The following WDR64 variants were observed in gnomAD, a reference collection of about 807,000 sequenced individuals.
The protein encoded by WDR64 is WD repeat domain 64.
In WDR64, 112 loss-of-function variants were observed where a neutral mutation model predicts 139.3. The ratio of observed to expected loss-of-function variants is 0.80; its 90% CI spans 0.69 to 0.94. The LOEUF (loss-of-function observed/expected upper bound fraction) is 0.94. Ranked by LOEUF, WDR64 falls within the 40% of genes least tolerant of loss-of-function variation. The probability of loss-of-function intolerance (pLI) is 0.00; values close to 1 mark genes in which losing one functional copy is unlikely to be tolerated. For synonymous variants in WDR64, 444 were observed against 437.7 expected (o/e 1.01, Z -0.18); for missense variants, 1,206 against 1,293.1 (o/e 0.93, Z 1.03).
intron 6 of WDR64, among the ~76,000 whole-genome samples, chr1:241,680,785 G>GCAGACTCAGCTGGGCTCT (rs71174830): frequency 0.73 from 109,972 of 151,602 alleles, 40,534 homozygotes; most frequent in Middle Eastern, 0.8. Flanking sequence ...CTTCGGGTCT[G>GCAGACTCAGCTGGGCTCT]CAGTAGCTTC....
At chr1:241,764,995 G>C (rs556779696) in intron 15 of WDR64, among the ~76,000 whole-genome samples, 1 of 152,196 alleles carries the variant, frequency 6.6e-6, no homozygotes, top group Non-Finnish European at 1.5e-5. Context: ...AGACCAGCCT[G>C]GCAACATAGT....
chr1:241,726,295 T>C (rs1668837606), intron 10 of WDR64, among the ~76,000 whole-genome samples: 1 of 152,046 alleles, frequency 6.6e-6, no homozygotes, highest in South Asian at 2.1e-4. Context: ...AGGGACTGCA[T>C]GTAGTGGCTC....
intron 1 of WDR64, among the ~76,000 whole-genome samples, chr1:241,655,287 C>G (rs941595494): frequency 3.3e-5 from 5 of 152,094 alleles, no homozygotes; most frequent in Non-Finnish European, 5.9e-5. Flanking sequence ...GGAGGCTAAG[C>G]CAGGAGAATT....
intron 15 of WDR64, among the ~76,000 whole-genome samples, chr1:241,765,656 T>C (rs1658126581): frequency 1.3e-5 from 2 of 152,238 alleles, no homozygotes; most frequent in East Asian, 1.9e-4. Flanking sequence ...CTCCCTCCGA[T>C]ACAGCACTTT....
At chr1:241,675,918 T>C (rs1249614062) in intron 4 of WDR64, among the ~76,000 whole-genome samples, 2 of 152,228 alleles carry the variant, frequency 1.3e-5, no homozygotes, top group East Asian at 1.9e-4. Context: ...TGTTACAATA[T>C]ACCCTACATA....
chr1:241,705,869 G>A (rs956142802), intron 8 of WDR64, among the ~76,000 whole-genome samples: 9 of 152,068 alleles, frequency 5.9e-5, no homozygotes, highest in Non-Finnish European at 1.0e-4. Context: ...GATTACAGGT[G>A]CGAGCCACCA....
At chr1:241,724,424 T>C (rs73141041) in intron 10 of WDR64, among the ~76,000 whole-genome samples, 9,780 of 152,162 alleles carry the variant, frequency 0.064, 1,056 homozygotes, top group African/African-American at 0.22. Context: ...ATCACATCTA[T>C]GAAGCAAAGG....
intron 5 of WDR64, 74 bp from the exon 6 acceptor site, chr1:241,679,411 C>G: frequency 7.6e-7 from 1 of 1,321,316 alleles, no homozygotes; most frequent in Non-Finnish European, 1.1e-6. Flanking sequence ...TGTGACTAAC[C>G]TGCTCTTTGG....
chr1:241,752,505 C>CT (rs1670016626), intron 14 of WDR64, among the ~76,000 whole-genome samples: 1 of 152,142 alleles, frequency 6.6e-6, no homozygotes, highest in Non-Finnish European at 1.5e-5. Context: ...TTCAGAAAGT[C>CT]TGAGAGCCAC....
intron 8 of WDR64, among the ~76,000 whole-genome samples, chr1:241,698,166 C>T (rs751419239): frequency 6.6e-6 from 1 of 152,106 alleles, no homozygotes; most frequent in African/African-American, 2.4e-5. Context: ...GCTTAACTTC[C>T]CCCACTTTAA....
At chr1:241,660,496 T>A (rs1344440349) in intron 1 of WDR64, 34 bp from the exon 2 acceptor site, 16 of 1,540,168 alleles carry the variant, frequency 1.0e-5, no homozygotes, top group Non-Finnish European at 1.4e-5. Context: ...TCCTTGGAAT[T>A]TGATGAAAAT....
chr1:241,749,473 AT>A, intron 13 of WDR64, 73 bp from the exon 14 acceptor site: 2 of 1,526,102 alleles, frequency 1.3e-6, no homozygotes, highest in Non-Finnish European at 1.8e-6. Flanking sequence ...GATCGGATGA[AT>A]TTTCTCTGAG....
chr1:241,657,846 G>A (rs1665670226), intron 1 of WDR64, among the ~76,000 whole-genome samples: 1 of 152,140 alleles, frequency 6.6e-6, no homozygotes, highest in South Asian at 2.1e-4. Context: ...CTTGAACCTT[G>A]GTAAACACAC....
rs368124361 is a variant in WDR64, at chr1:241,732,311, A to G, written c.1195-6052A>G. 1.6e-4 allele frequency among the ~76,000 whole-genome samples: 17 copies of G among 108,596 alleles called. No homozygotes were observed. In the East Asian group the frequency reaches 5.9e-3, roughly 38 times the overall value. 71.2% of individuals were successfully genotyped at this position (108,596 alleles called of 152,430 possible). A position where few individuals can be genotyped will look rare whatever the true frequency, so the allele number is the denominator to read the frequency against. On this transcript the variant is annotated intron_variant, in intron 10 of 27. Transcript: ENST00000437684. ...GTTTCTTACAATGCAGTATCTATCT[A>G]TCTATCTATCTATTTGTCATCTATC...
At chr1:241,705,887 C>A (rs1172073027) in intron 8 of WDR64, among the ~76,000 whole-genome samples, 3 of 152,154 alleles carry the variant, frequency 2.0e-5, no homozygotes, top group Admixed American at 6.5e-5. Context: ...CCATGCCTGG[C>A]CCTCATGGAG....
chr1:241,766,694 A>G (rs1374317779), intron 16 of WDR64, among the ~76,000 whole-genome samples: 2 of 147,506 alleles, frequency 1.4e-5, no homozygotes, highest in African/African-American at 2.4e-5. Context: ...GAGTGAGTGA[A>G]ACTCAGTATA....
Position 241,796,289 on chromosome 1 carries a change from A to G in WDR64, c.3111A>G (p.Pro1037=), listed in dbSNP as rs146213620. The G allele has an allele frequency of 2.2e-5, 36 of 1,613,562 alleles. No individual in the cohort carries two copies. Among genetic ancestry groups the G allele is most frequent in the Middle Eastern group, 3.3e-4 (2 of 6,078 alleles). ...ISSPTSLRFL[P]LIGVEAQKDS... is the part of the protein sequence containing the mutation. ...GCCCCACTAGTCTAAGATTTCTTCC[A>G]CTGATTGGCGTAGAAGCCCAAAAGG... Residue 1037 remains proline (P), a synonymous_variant, in exon 27 of 28, where the codon CCA becomes CCG. Transcript: ENST00000437684.
chr1:241,737,282 C>G (rs1669366883), intron 10 of WDR64, among the ~76,000 whole-genome samples: 1 of 152,186 alleles, frequency 6.6e-6, no homozygotes, highest in Non-Finnish European at 1.5e-5. Flanking sequence ...CAATGTTCTC[C>G]AAGTCACGGG....
At chr1:241,754,107 G>C (rs1373998510) in intron 14 of WDR64, among the ~76,000 whole-genome samples, 8 of 152,030 alleles carry the variant, frequency 5.3e-5, no homozygotes, top group African/African-American at 1.7e-4. Context: ...AGGAAATCCA[G>C]ATGGCTCGCA....
Sources: allele counts gnomAD v4.1 joint callset (sites outside exome capture counted in the v4.1 genomes callset), GRCh38; gene constraint gnomAD v4.1.1; transcripts MANE v1.5; gene names NCBI Gene and HGNC (gene_info 2026-07-23, HGNC 2026-07-21).